PDLIM5: variants seen among roughly 807,000 people sequenced by gnomAD.
The protein encoded by PDLIM5 is PDZ and LIM domain 5.
PDLIM5 carries 34 observed loss-of-function variants against 64.2 expected under a neutral mutation model. The observed-to-expected ratio is 0.53, with a 90% CI of 0.40 to 0.71. The LOEUF is 0.71. Ranked by LOEUF, PDLIM5 falls within the 30% of genes least tolerant of loss-of-function variation. The pLI is 0.00. For synonymous variants in PDLIM5, 253 were observed against 269.1 expected (o/e 0.94, Z 0.59); for missense variants, 683 against 733.6 (o/e 0.93, Z 0.80).
intron 8 of PDLIM5, among the ~76,000 whole-genome samples, chr4:94,630,829 G>A (rs1297030806): frequency 6.6e-6 from 1 of 152,134 alleles, no homozygotes; most frequent in African/African-American, 2.4e-5. Flanking sequence ...TAATCCAAAT[G>A]TAGTAGTTGA....
At chr4:94,486,944 A>T (rs979310544) in intron 2 of PDLIM5, among the ~76,000 whole-genome samples, 1 of 152,256 alleles carries the variant, frequency 6.6e-6, no homozygotes, top group Non-Finnish European at 1.5e-5. Context: ...TCAAGGCTGC[A>T]GTGAGCTATA....
intron 4 of PDLIM5, 81 bp downstream of exon 4, chr4:94,573,474 A>T: frequency 9.4e-7 from 1 of 1,058,978 alleles, no homozygotes; most frequent in South Asian, 1.2e-5. Context: ...GTCTCAGACC[A>T]TACTGACATT....
At chr4:94,474,208 A>G (rs1226754366) in intron 2 of PDLIM5, among the ~76,000 whole-genome samples, 1 of 152,148 alleles carries the variant, frequency 6.6e-6, no homozygotes, top group Non-Finnish European at 1.5e-5. Flanking sequence ...GGTGTCATTC[A>G]GTGGATGATC....
Position 94,455,357 on chromosome 4 carries a change from T to G in PDLIM5, c.69T>G (p.Asp23Glu). 6.2e-7 allele frequency: 1 copy of G among 1,612,184 alleles called. No individual in the cohort carries two copies. The highest frequency in any genetic ancestry group is 1.1e-5 in the South Asian group (1 of 91,052). Reference protein sequence around the residue: ...PWGFRLQGGKDFNMPLTISSL... With the variant: ...PWGFRLQGGKEFNMPLTISSL... Reference sequence around the variant, plus strand: ...GTTTCCGGCTGCAGGGCGGTAAGGATTTCAACATGCCTCTGACAATCTCTA... The same window carrying G: ...GTTTCCGGCTGCAGGGCGGTAAGGAGTTCAACATGCCTCTGACAATCTCTA... Residue 23 changes from aspartate to glutamate, a missense_variant, in exon 2 of 13, where the codon GAT (aspartate) becomes GAG (glutamate). Coordinates refer to ENST00000317968, the MANE Select transcript of PDLIM5 (RefSeq NM_006457.5).
intron 8 of PDLIM5, among the ~76,000 whole-genome samples, chr4:94,624,934 T>C (rs956831864): frequency 2.6e-5 from 4 of 152,234 alleles, no homozygotes; most frequent in African/African-American, 9.6e-5. Flanking sequence ...AGCATTAATG[T>C]GTTTAAAAGA....
At chr4:94,641,302 C>T (rs1285861104) in intron 9 of PDLIM5, among the ~76,000 whole-genome samples, 3 of 152,174 alleles carry the variant, frequency 2.0e-5, no homozygotes, top group Non-Finnish European at 2.9e-5. Flanking sequence ...AACTTAATTG[C>T]ATTTTCATCT....
chr4:94,560,533 A>C (rs1733743866), intron 3 of PDLIM5, among the ~76,000 whole-genome samples: 1 of 152,154 alleles, frequency 6.6e-6, no homozygotes, highest in Non-Finnish European at 1.5e-5. Context: ...TTACCTTATA[A>C]ATCCCTTGTT....
intron 3 of PDLIM5, among the ~76,000 whole-genome samples, chr4:94,559,756 C>T (rs778604020): frequency 3.3e-5 from 5 of 152,138 alleles, no homozygotes; most frequent in Non-Finnish European, 5.9e-5. Context: ...GCAGCTGCTA[C>T]TCTGTTCTAC....
chr4:94,468,818 A>G (rs1438276960), intron 2 of PDLIM5, among the ~76,000 whole-genome samples: 4 of 152,200 alleles, frequency 2.6e-5, no homozygotes, highest in Admixed American at 2.6e-4. Context: ...TGAATGACAC[A>G]TGTCAGAGCC....
chr4:94,654,718 T>TTA, intron 10 of PDLIM5, 78 bp downstream of exon 10: 1 of 914,662 alleles, frequency 1.1e-6, no homozygotes, highest in Non-Finnish European at 1.7e-6. Flanking sequence ...TTCTATCACT[T>TTA]TAACTTTTTA....
At chr4:94,458,107 A>T (rs1476449872) in intron 2 of PDLIM5, among the ~76,000 whole-genome samples, 1 of 152,184 alleles carries the variant, frequency 6.6e-6, no homozygotes, top group Admixed American at 6.5e-5. Context: ...ATTGCCTAAT[A>T]AAGGTTTGCG....
At chr4:94,649,295 T>C in intron 9 of PDLIM5, among the ~76,000 whole-genome samples, 1 of 152,182 alleles carries the variant, frequency 6.6e-6, no homozygotes, top group East Asian at 1.9e-4. Context: ...TAATTGTATC[T>C]GCACAATCCT....
At chr4:94,657,389 ATCT>A (rs763248734) in intron 10 of PDLIM5, 35 bp from the exon 11 acceptor site, 26 of 1,438,180 alleles carry the variant, frequency 1.8e-5, no homozygotes, top group East Asian at 1.4e-4. Context: ...ATTTATTGTC[ATCT>A]TCTTTTTTTA....
chr4:94,537,970 A>C (rs951975985), intron 3 of PDLIM5, among the ~76,000 whole-genome samples: 2 of 152,172 alleles, frequency 1.3e-5, no homozygotes, highest in Non-Finnish European at 2.9e-5. Context: ...TTTCGCCATT[A>C]AATTTATTTC....
At chr4:94,539,356 A>T (rs778385065) in intron 3 of PDLIM5, among the ~76,000 whole-genome samples, 2 of 152,170 alleles carry the variant, frequency 1.3e-5, no homozygotes, top group Non-Finnish European at 2.9e-5. Context: ...CTTGTCGGCT[A>T]AAGAGGACTT....
intron 2 of PDLIM5, among the ~76,000 whole-genome samples, chr4:94,479,352 A>C (rs1458314818): frequency 1.5e-5 from 2 of 130,062 alleles, no homozygotes; most frequent in Non-Finnish European, 3.2e-5. Context: ...TTTTTGAGAC[A>C]GGGTCTCACT....
intron 2 of PDLIM5, among the ~76,000 whole-genome samples, chr4:94,477,032 A>G (rs999455604): frequency 2.0e-5 from 3 of 152,202 alleles, no homozygotes; most frequent in African/African-American, 7.2e-5. Flanking sequence ...ATAGAGATTT[A>G]GTGTTTACTT....
chr4:94,516,090 A>T (rs182517119), intron 2 of PDLIM5, among the ~76,000 whole-genome samples: 2 of 152,238 alleles, frequency 1.3e-5, no homozygotes, highest in Non-Finnish European at 2.9e-5. Context: ...ACTTTGGTAG[A>T]GTAGAGTAAG....
chr4:94,654,267 T>C (rs1287780030), intron 9 of PDLIM5, among the ~76,000 whole-genome samples, 193 bp from the exon 10 acceptor site: 1 of 152,196 alleles, frequency 6.6e-6, no homozygotes, highest in Non-Finnish European at 1.5e-5. Context: ...AGTGCACGTC[T>C]CCCGTTTTCT....
Sources: allele counts gnomAD v4.1 joint callset (sites outside exome capture counted in the v4.1 genomes callset), GRCh38; gene constraint gnomAD v4.1.1; transcripts MANE v1.5; gene names NCBI Gene and HGNC (gene_info 2026-07-23, HGNC 2026-07-21).